Variants in TSC22D1 observed in about 807,000 individuals in gnomAD.
The protein encoded by TSC22D1 is TSC22 domain family protein 1.
Under a neutral mutation model 74.2 loss-of-function variants are expected in TSC22D1, and 9 were observed. That is an observed-to-expected ratio of 0.12 (90% CI 0.07 to 0.21). The LOEUF is 0.21. Among genes scored for constraint, TSC22D1 ranks in the 10% least tolerant of loss-of-function variants. The pLI is 1.00. For synonymous variants in TSC22D1, 586 were observed against 492.5 expected (o/e 1.19, Z -2.51); for missense variants, 1,427 against 1,304.7 (o/e 1.09, Z -1.44).
chr13:44,472,570 T>C (rs748855875), intron 1 of TSC22D1, among the ~76,000 whole-genome samples: 1 of 152,018 alleles, frequency 6.6e-6, no homozygotes, highest in Non-Finnish European at 1.5e-5. Context: ...AACCCCAATA[T>C]TGTGGGAGGC....
intron 1 of TSC22D1, among the ~76,000 whole-genome samples, chr13:44,560,036 T>G (rs1407601933): frequency 6.6e-6 from 1 of 152,172 alleles, no homozygotes; most frequent in Admixed American, 6.5e-5. Flanking sequence ...AGCTTCCTTA[T>G]GAAAGAAACC....
chr13:44,495,842 C>T (rs1369802561), intron 1 of TSC22D1, among the ~76,000 whole-genome samples: 1 of 152,152 alleles, frequency 6.6e-6, no homozygotes, highest in Non-Finnish European at 1.5e-5. Context: ...ACATATACAA[C>T]TCAAAATATA....
intron 1 of TSC22D1, among the ~76,000 whole-genome samples, chr13:44,502,363 T>C (rs1879257488): frequency 6.6e-6 from 1 of 152,202 alleles, no homozygotes; most frequent in Non-Finnish European, 1.5e-5. Context: ...AGTCCAACAA[T>C]ACTAGTTTTA....
chr13:44,554,260 A>T (rs1882475701), intron 1 of TSC22D1, among the ~76,000 whole-genome samples: 1 of 152,218 alleles, frequency 6.6e-6, no homozygotes, highest in Non-Finnish European at 1.5e-5. Context: ...AAGGTCATAC[A>T]ATGAAGAGGT....
chr13:44,447,937 C>G (rs907953672), intron 1 of TSC22D1, among the ~76,000 whole-genome samples: 1 of 148,456 alleles, frequency 6.7e-6, no homozygotes, highest in Non-Finnish European at 1.5e-5. Context: ...CCTTCAGCAA[C>G]AGGACTCAAA....
chr13:44,490,452 A>C (rs2137955786), intron 1 of TSC22D1, among the ~76,000 whole-genome samples: 1 of 150,944 alleles, frequency 6.6e-6, no homozygotes, highest in African/African-American at 2.4e-5. Flanking sequence ...TCCTCTCTGT[A>C]TGCTATATTT....
At chr13:44,536,753 G>A (rs1881149770) in intron 1 of TSC22D1, 7 of 984,474 alleles carry the variant, frequency 7.1e-6, no homozygotes, top group Non-Finnish European at 8.4e-6. Context: ...TTAATGGTTT[G>A]CAAAATTGAG....
At chr13:44,537,333 A>C (rs1881209202) in intron 1 of TSC22D1, 4 of 984,956 alleles carry the variant, frequency 4.1e-6, no homozygotes, top group Non-Finnish European at 4.8e-6. Context: ...TTCACTTTTA[A>C]ATAAATAGCT....
chr13:44,527,764 AAAC>A (rs1359201760), intron 1 of TSC22D1, among the ~76,000 whole-genome samples: 2 of 152,172 alleles, frequency 1.3e-5, no homozygotes, highest in South Asian at 2.1e-4. Context: ...AGTGGATTTA[AAAC>A]AACAAGATCC....
chr13:44,452,943 A>C (rs1876266926), intron 1 of TSC22D1: 1 of 152,248 alleles, frequency 6.6e-6, no homozygotes, highest in African/African-American at 2.4e-5. Context: ...GTTTCGATGA[A>C]ACTCTTGTTT....
At chr13:44,560,708 G>A (rs192722520) in intron 1 of TSC22D1, among the ~76,000 whole-genome samples, 51 of 152,224 alleles carry the variant, frequency 3.4e-4, no homozygotes, top group South Asian at 8.3e-4. Flanking sequence ...GAGGCAATAC[G>A]ACTAAAACAT....
chr13:44,576,959 C>T, upstream of TSC22D1: 1 of 152,794 alleles, frequency 6.5e-6, no homozygotes, highest in South Asian at 2.0e-4. Flanking sequence ...GAGGAAGGGG[C>T]CGGCACCCGA....
chr13:44,507,900 T>A (rs972948686), intron 1 of TSC22D1, among the ~76,000 whole-genome samples: 1 of 152,286 alleles, frequency 6.6e-6, no homozygotes, highest in African/African-American at 2.4e-5. Context: ...CAAAGAGGGA[T>A]CCTTCCTGAG....
In TSC22D1 at chr13:44,434,590, C is replaced by T. The variant is rs778012348; in HGVS notation, c.*36G>A. ...GCACATCTTCTCCGTCTGTTCAGTTCACACGCAGCAGCCAGTTCTGCGGGG... is the reference window on the plus strand; with the variant it reads ...GCACATCTTCTCCGTCTGTTCAGTTTACACGCAGCAGCCAGTTCTGCGGGG... On this transcript the variant is annotated 3_prime_UTR_variant, in exon 3 of 3. Transcript: ENST00000458659. 1 of 1,511,160 alleles carries T rather than the reference C, an allele frequency of 6.6e-7. No homozygotes were observed. The highest frequency in any genetic ancestry group is 1.4e-5 in the African/African-American group (1 of 71,428). The allele number at this position is 1,511,160 out of a possible 1,614,324, so 93.6% of individuals were successfully genotyped here.
intron 1 of TSC22D1, among the ~76,000 whole-genome samples, chr13:44,442,055 T>C (rs1875247086): frequency 1.3e-5 from 2 of 152,250 alleles, no homozygotes; most frequent in Non-Finnish European, 2.9e-5. Flanking sequence ...AGTCTCCTTC[T>C]GAATGCTTAG....
At chr13:44,492,671 G>A (rs1878781868) in intron 1 of TSC22D1, among the ~76,000 whole-genome samples, 1 of 152,074 alleles carries the variant, frequency 6.6e-6, no homozygotes, top group African/African-American at 2.4e-5. Flanking sequence ...AATCACTCTA[G>A]TACTTATCTC....
At chr13:44,468,802 A>G (rs1198833897) in intron 1 of TSC22D1, among the ~76,000 whole-genome samples, 1 of 149,970 alleles carries the variant, frequency 6.7e-6, no homozygotes, top group East Asian at 1.9e-4. Flanking sequence ...AAATGCACAG[A>G]AATAGTTTTC....
chr13:44,472,448 C>G lies in TSC22D1; in HGVS notation c.2913-36353G>C, dbSNP rs537468607. Among the ~76,000 whole-genome samples, 5 of 152,272 alleles carry G rather than the reference C, an allele frequency of 3.3e-5. No individual in the cohort carries two copies. In the East Asian group the frequency reaches 5.8e-4, roughly 18 times the overall value. On this transcript the variant is annotated intron_variant, in intron 1 of 2. Transcript: ENST00000458659. ...CAGACACTCTCAACCATTGACATAT[C>G]TGATTTCTGTCTCCCCTCTCACCCA... is the stretch of plus-strand genomic sequence containing the variant.
chr13:44,444,233 T>C (rs961321753), intron 1 of TSC22D1, among the ~76,000 whole-genome samples: 3 of 125,276 alleles, frequency 2.4e-5, no homozygotes, highest in Non-Finnish European at 4.6e-5. Flanking sequence ...GACTCAAGAT[T>C]GCACCACTGT....
Sources: allele counts gnomAD v4.1 joint callset (sites outside exome capture counted in the v4.1 genomes callset), GRCh38; gene constraint gnomAD v4.1.1; transcripts MANE v1.5; gene names NCBI Gene and HGNC (gene_info 2026-07-23, HGNC 2026-07-21).